Variants in TENM1 observed in about 807,000 individuals in gnomAD.
The protein encoded by TENM1 is teneurin-1.
In TENM1, 35 loss-of-function variants were observed where a neutral mutation model predicts 174.8. The ratio of observed to expected loss-of-function variants is 0.20; its 90% CI spans 0.15 to 0.27. The LOEUF is 0.27. TENM1 is among the 10% of genes least tolerant of loss of function. The pLI is 1.00. For missense variants in TENM1, 1,633 were observed against 2,130.1 expected (o/e 0.77, Z 4.59); for synonymous variants, 781 against 798.7 (o/e 0.98, Z 0.37).
At position 124,413,549 on chromosome X, in the gene TENM1, G is replaced by A. The variant is rs751272761; in HGVS notation, c.4982+6762C>T. On this transcript the variant is annotated intron_variant, in intron 25 of 31. Coordinates refer to ENST00000422452, the Ensembl canonical transcript of TENM1. The stretch of plus-strand genomic sequence containing the variant: ...ACATAGATGTGCTATGGAGTTCAGC[G>A]GAACTTCCCTACCAGCTTCTGTTAC... Among the ~76,000 whole-genome samples the A allele has an allele frequency of 2.1e-4, 24 of 111,799 alleles. No individual in the cohort carries two copies. In the East Asian group the frequency reaches 4.8e-3, roughly 22 times the overall value.
chrX:124,902,197 T>C (rs1051554532), intron 1 of TENM1, among the ~76,000 whole-genome samples: 5 of 112,220 alleles, frequency 4.5e-5, no homozygotes, highest in Non-Finnish European at 9.4e-5. Flanking sequence ...GGTCAATGTG[T>C]TCAAATGGGA....
chrX:124,604,932 A>G (rs1234741761), intron 11 of TENM1, among the ~76,000 whole-genome samples: 1 of 108,219 alleles, frequency 9.2e-6, no homozygotes, highest in Non-Finnish European at 1.9e-5. Context: ...ACTGGCATAT[A>G]TTATTTTTTT....
intron 20 of TENM1, among the ~76,000 whole-genome samples, chrX:124,496,383 C>G (rs1299192172): frequency 9.0e-6 from 1 of 111,682 alleles, no homozygotes; most frequent in Non-Finnish European, 1.9e-5. Context: ...CTTTGTGGAA[C>G]TTCAGGATAT....
At chrX:124,930,479 T>C (rs188847874) in intron 1 of TENM1, among the ~76,000 whole-genome samples, 1 of 111,963 alleles carries the variant, frequency 8.9e-6, no homozygotes, top group East Asian at 2.8e-4. Flanking sequence ...ATTCATTTTA[T>C]GCCCCCTTTG....
chrX:124,863,818 T>C (rs2056956616), intron 3 of TENM1, among the ~76,000 whole-genome samples: 1 of 112,426 alleles, frequency 8.9e-6, no homozygotes, highest in Non-Finnish European at 1.9e-5. Flanking sequence ...TGTGCTGGCA[T>C]TAGGTCTGAA....
the TENM1 span, among the ~76,000 whole-genome samples, chrX:125,133,175 T>A: frequency 9.1e-6 from 1 of 110,489 alleles, no homozygotes; most frequent in Non-Finnish European, 1.9e-5. Flanking sequence ...TTTGTATTTT[T>A]AGTAGAGACA....
At chrX:125,167,934 C>T in the TENM1 span, among the ~76,000 whole-genome samples, 2 of 111,239 alleles carry the variant, frequency 1.8e-5, no homozygotes, top group African/African-American at 6.5e-5. Flanking sequence ...ATAAAGCAAT[C>T]ATGATTTTGT....
rs761123183 is a variant in TENM1 at position 124,826,408 on chromosome X, C to CAA, written c.535+67886_535+67887dup. ...TGGGTAACAGAGTGAGACCCTGTCT[C>CAA]AAAAAAAAAAAAAAATTATTTAGAG... On this transcript the variant is annotated intron_variant, in intron 3 of 31. Transcript: ENST00000422452. Among the ~76,000 whole-genome samples the CAA allele has an allele frequency of 4.0e-3, 293 of 73,657 alleles. 3 individuals are homozygous for CAA. The highest frequency in any genetic ancestry group is 0.013 in the African/African-American group (268 of 19,883). The allele number at this position is 73,657 out of a possible 115,157, so 64.0% of individuals were successfully genotyped here.
At chrX:124,700,028 G>A (rs563874597) in intron 5 of TENM1, among the ~76,000 whole-genome samples, 1 of 111,847 alleles carries the variant, frequency 8.9e-6, no homozygotes, top group Non-Finnish European at 1.9e-5. Context: ...GATTGATAAC[G>A]GTCTATAGGA....
At chrX:124,456,771 C>G (rs1268808943) in intron 22 of TENM1, among the ~76,000 whole-genome samples, 1 of 111,732 alleles carries the variant, frequency 8.9e-6, no homozygotes, top group Admixed American at 9.5e-5. Context: ...CTAGCAAGAT[C>G]TGCAGATTCA....
At chrX:124,588,323 A>T (rs2049609698) in intron 11 of TENM1, among the ~76,000 whole-genome samples, 1 of 111,954 alleles carries the variant, frequency 8.9e-6, no homozygotes, top group Non-Finnish European at 1.9e-5. Context: ...TGGATTAAAA[A>T]AATGTGGCAC....
In TENM1 at chrX:124,736,916, C is replaced by A. The variant is rs749373875; in HGVS notation, c.776+41G>T. The A allele has an allele frequency of 9.4e-6, 11 of 1,168,879 alleles. No homozygotes were observed. The South Asian group carries it at 1.8e-4, about 19-fold the overall frequency. On this transcript the variant is annotated intron_variant, in intron 4 of 31. Coordinates refer to ENST00000422452, the Ensembl canonical transcript of TENM1. The stretch of plus-strand genomic sequence containing the variant: ...CTGCAATCAGTAGAACCATCCTCTG[C>A]CAATACTTAAGTTTAGTGGGATCAA...
At chrX:125,028,012 T>C in the TENM1 span, among the ~76,000 whole-genome samples, 2 of 111,854 alleles carry the variant, frequency 1.8e-5, no homozygotes, top group Non-Finnish European at 3.8e-5. Context: ...ATACTGCTAG[T>C]AGAAGTCTAA....
At chrX:124,460,495 A>C (rs756699433) in intron 22 of TENM1, among the ~76,000 whole-genome samples, 1 of 110,911 alleles carries the variant, frequency 9.0e-6, no homozygotes, top group African/African-American at 3.3e-5. Flanking sequence ...ACCAAATACC[A>C]CATGTTCTCA....
Position 124,703,552 on chromosome X carries a change from C to T in TENM1, c.1015+1461G>A, listed in dbSNP as rs193221168. ...TTAGGCCTTGTATCTAAAACATTAT[C>T]TCTCTATATAGTAAAAGTTAATAGA... On this transcript the variant is annotated intron_variant, in intron 5 of 31. Transcript: ENST00000422452. 9.0e-3 allele frequency among the ~76,000 whole-genome samples: 1,012 copies of T among 111,944 alleles called. 15 individuals are homozygous for T. The highest frequency in any genetic ancestry group is 0.031 in the African/African-American group (949 of 30,893).
intron 7 of TENM1, among the ~76,000 whole-genome samples, chrX:124,652,352 G>A (rs1394751765): frequency 9.1e-6 from 1 of 110,362 alleles, no homozygotes; most frequent in African/African-American, 3.3e-5. Context: ...TGAGCCCAAG[G>A]GTTTCAGACC....
the TENM1 span, among the ~76,000 whole-genome samples, chrX:125,130,442 A>T: frequency 5.9e-3 from 661 of 111,277 alleles, 7 homozygotes; most frequent in African/African-American, 0.02. Context: ...ATATAAAAAC[A>T]GCAGGCAAAT....
chrX:124,433,926 G>A (rs1406214580), intron 23 of TENM1, among the ~76,000 whole-genome samples: 2 of 112,015 alleles, frequency 1.8e-5, no homozygotes, highest in Non-Finnish European at 3.8e-5. Context: ...TCGAATTGAT[G>A]TTATGTCTTA....
At position 124,734,447 on chromosome X, in the gene TENM1, C is replaced by CAAATAAAT. The variant is rs76682292; in HGVS notation, c.776+2502_776+2509dup. ...CCTGGGCGACAGAAGGAGACTGTCT[C>CAAATAAAT]AAATAAATAAATAAATAAATAAATA... On this transcript the variant is annotated intron_variant, in intron 4 of 31. Transcript: ENST00000422452. Among the ~76,000 whole-genome samples, 899 of 104,354 alleles carry CAAATAAAT rather than the reference C, an allele frequency of 8.6e-3. 7 individuals are homozygous for CAAATAAAT. Among genetic ancestry groups the CAAATAAAT allele is most frequent in the African/African-American group, 0.021 (570 of 27,777 alleles). The allele number at this position is 104,354 out of a possible 115,157, so 90.6% of individuals were successfully genotyped here.
Sources: gnomAD v4.1 joint callset for allele counts (sites outside exome capture counted in the v4.1 genomes callset) on GRCh38, gnomAD v4.1.1 for gene constraint, MANE v1.5 for transcripts, NCBI Gene and HGNC (gene_info 2026-07-23, HGNC 2026-07-21) for gene names.